The following NADK variants were observed in gnomAD, a reference collection of about 807,000 sequenced individuals.
The protein encoded by NADK is NAD kinase.
A neutral mutation model predicts 49.8 loss-of-function variants in NADK; 22 were observed. That is an observed-to-expected ratio of 0.44 (90% CI 0.32 to 0.63). The LOEUF is 0.63. NADK is among the 30% of genes least tolerant of loss of function. The pLI, the probability that NADK is intolerant of heterozygous loss-of-function variation, is 0.06. For synonymous variants in NADK, 268 were observed against 253.7 expected, an observed-to-expected ratio of 1.06 and a Z score of -0.54; for missense variants, 438 against 609.4, an observed-to-expected ratio of 0.72 and a Z score of 2.96.
intron 1 of NADK, among the ~76,000 whole-genome samples, chr1:1,774,012 G>A (rs1377457592): frequency 6.6e-6 from 1 of 152,010 alleles, no homozygotes; most frequent in East Asian, 1.9e-4. Flanking sequence ...TGGGATTACA[G>A]GCATGAGCCA....
rs969092685 is a variant in NADK at position 1,765,130 on chromosome 1, A to G, written c.179+98T>C. ...CCAGCCTCACCTTCCGGATGCATCG[A>G]CGCAGACTACTCAGGAGAATTCTTC... On this transcript the variant is annotated intron_variant, in intron 2 of 11. Coordinates refer to ENST00000341426, the MANE Select transcript of NADK (RefSeq NM_023018.5). 18 of 1,240,922 alleles carry G rather than the reference A, an allele frequency of 1.5e-5. No homozygotes were observed. The Admixed American group carries it at 4.5e-4, about 31-fold the overall frequency. 76.9% of individuals were successfully genotyped at this position (1,240,922 alleles called of 1,614,324 possible).
chr1:1,756,053 C>T, intron 6 of NADK: 1 of 608,610 alleles, frequency 1.6e-6, no homozygotes, highest in South Asian at 1.9e-5. Flanking sequence ...GCTGGCCACC[C>T]CCAGCCGTAG....
At chr1:1,762,478 G>A (rs771218286) in intron 2 of NADK, among the ~76,000 whole-genome samples, 2 of 152,162 alleles carry the variant, frequency 1.3e-5, no homozygotes, top group Non-Finnish European at 2.9e-5. Flanking sequence ...GACGTAGGCC[G>A]GGCGCAGTGG....
upstream of NADK, chr1:1,780,112 A>G (rs186275778): frequency 4.6e-5 from 7 of 152,402 alleles, no homozygotes; most frequent in African/African-American, 1.7e-4. Context: ...TGCAAACCCA[A>G]CTGTTTCAAA....
intron 3 of NADK, among the ~76,000 whole-genome samples, chr1:1,757,522 GCTT>G (rs1645569518): frequency 6.6e-6 from 1 of 151,584 alleles, no homozygotes; most frequent in Non-Finnish European, 1.5e-5. Flanking sequence ...CCTCTCACCT[GCTT>G]GGCCCATCAC....
At chr1:1,775,260 TCACA>T (rs1170392481) in intron 1 of NADK, among the ~76,000 whole-genome samples, 3 of 151,980 alleles carry the variant, frequency 2.0e-5, no homozygotes, top group African/African-American at 7.3e-5. Flanking sequence ...TGAACAAAAG[TCACA>T]CACACACAAA....
chr1:1,753,159 C>G (rs1645382849), intron 11 of NADK, 99 bp from the exon 12 acceptor site: 1 of 1,429,298 alleles, frequency 7.0e-7, no homozygotes, highest in African/African-American at 1.4e-5. Flanking sequence ...GGCCGGGACT[C>G]TTTTCCTGTG....
intron 1 of NADK, among the ~76,000 whole-genome samples, chr1:1,766,211 G>A (rs577449301): frequency 6.6e-6 from 1 of 151,922 alleles, no homozygotes; most frequent in Admixed American, 6.6e-5. Context: ...TTTGAGACCA[G>A]CCTGACCAAC....
intron 1 of NADK, among the ~76,000 whole-genome samples, chr1:1,771,790 A>C (rs765362458): frequency 7.3e-5 from 11 of 151,006 alleles, no homozygotes; most frequent in Non-Finnish European, 1.5e-4. Flanking sequence ...TTTTTAGAAG[A>C]AAGCACTGGA....
chr1:1,775,679 C>T (rs1646191160), intron 1 of NADK, among the ~76,000 whole-genome samples: 1 of 152,210 alleles, frequency 6.6e-6, no homozygotes, highest in Non-Finnish European at 1.5e-5. Flanking sequence ...CATCACCTCC[C>T]TCTTCAGTTG....
intron 3 of NADK, among the ~76,000 whole-genome samples, chr1:1,760,531 C>A (rs1645686916): frequency 1.3e-5 from 2 of 152,134 alleles, no homozygotes; most frequent in South Asian, 2.1e-4. Context: ...CAGCAAAGGG[C>A]CATGCAGTGG....
intron 1 of NADK, among the ~76,000 whole-genome samples, chr1:1,768,205 A>G (rs1645944088): frequency 6.6e-6 from 1 of 150,716 alleles, no homozygotes; most frequent in South Asian, 2.1e-4. Context: ...TGAGGTCATA[A>G]GTGTGGGGTC....
intron 10 of NADK, 122 bp downstream of exon 10, chr1:1,753,929 G>T: frequency 7.8e-7 from 1 of 1,287,204 alleles, no homozygotes; most frequent in Non-Finnish European, 1.1e-6. Context: ...GATGGCCCTA[G>T]GATGACGAGG....
Position 1,776,183 on chromosome 1 carries a change from A to C in NADK, c.-41+2106T>G, listed in dbSNP as rs919101947. On this transcript the variant is annotated intron_variant, in intron 1 of 11. Coordinates refer to ENST00000341426, the MANE Select transcript of NADK (RefSeq NM_023018.5). ...TTCCAAGTGAGACCTACATTTCCTC[A>C]AGCGTGAAGCTCAATAAAATCAACT... 2.6e-5 allele frequency among the ~76,000 whole-genome samples: 4 copies of C among 152,152 alleles called. 1 individual carries two copies. The highest frequency in any genetic ancestry group is 2.6e-4 in the Admixed American group (4 of 15,270).
intron 10 of NADK, among the ~76,000 whole-genome samples, 172 bp downstream of exon 10, chr1:1,753,879 G>A (rs1332442859): frequency 1.3e-5 from 2 of 152,190 alleles, no homozygotes. Context: ...GACAGAACTC[G>A]GGCACCAGCA....
In NADK at chr1:1,756,548, C is replaced by T. The variant is rs776756207; in HGVS notation, c.454G>A (p.Glu152Lys). ...TTCTTCTTCACTGCCCCAAAGCTTT[C>T]ATCGCTGGCGATGGCAGGGTCTTCT... is the stretch of plus-strand genomic sequence containing the variant. Reference protein sequence around the residue: ...VLEDPAIASDESFGAVKKKFC... With the variant: ...VLEDPAIASDKSFGAVKKKFC... The change falls in exon 5 of 12, where the codon GAA (glutamate) becomes AAA (lysine). Residue 152 changes from glutamate to lysine, a missense_variant. Transcript: ENST00000341426. 4 of 1,613,996 alleles carry T rather than the reference C, an allele frequency of 2.5e-6. No individual in the cohort carries two copies. Among genetic ancestry groups the T allele is most frequent in the Admixed American group, 1.7e-5 (1 of 60,012 alleles).
intron 1 of NADK, among the ~76,000 whole-genome samples, chr1:1,773,796 G>A (rs1023520267): frequency 1.7e-4 from 25 of 151,436 alleles, no homozygotes; most frequent in East Asian, 1.2e-3. Context: ...CACCTAAGCT[G>A]GAGTGCAGTG....
At chr1:1,764,604 A>G (rs1253763612) in intron 2 of NADK, among the ~76,000 whole-genome samples, 12 of 152,200 alleles carry the variant, frequency 7.9e-5, no homozygotes, top group Admixed American at 7.9e-4. Flanking sequence ...TGACTTCTGT[A>G]GAGCAAATGT....
rs1189924173 is a variant in NADK, at chr1:1,759,769, C to T, written c.263+2183G>A. 1.2e-5 allele frequency: 18 copies of T among 1,556,744 alleles called. No homozygotes were observed. The Admixed American group carries it at 3.4e-4, about 30-fold the overall frequency. ...TGCGGGGCTGTCTGGCCTCGGGCAGCTCGGGGACCACTGAGTACGCCCTGG... is the reference window on the plus strand; with the variant it reads ...TGCGGGGCTGTCTGGCCTCGGGCAGTTCGGGGACCACTGAGTACGCCCTGG... On this transcript the variant is annotated intron_variant, in intron 3 of 11. Transcript: ENST00000341426.
Sources: gnomAD v4.1 joint callset for allele counts (sites outside exome capture counted in the v4.1 genomes callset) on GRCh38, gnomAD v4.1.1 for gene constraint, MANE v1.5 for transcripts, NCBI Gene and HGNC (gene_info 2026-07-23, HGNC 2026-07-21) for gene names.